OTUD7A: variants seen among roughly 807,000 people sequenced by gnomAD.
OTUD7A encodes the protein OTU deubiquitinase 7A.
A neutral mutation model predicts 65.7 loss-of-function variants in OTUD7A; 12 were observed. The ratio of observed to expected loss-of-function variants is 0.18; its 90% confidence interval spans 0.12 to 0.30. The LOEUF (loss-of-function observed/expected upper bound fraction) is 0.30, where lower values mean the gene tolerates loss of function less well. Among genes scored for constraint, OTUD7A ranks in the 10% least tolerant of loss-of-function variants. OTUD7A has a pLI of 1.00. For synonymous variants in OTUD7A, 641 were observed against 586.3 expected (o/e 1.09, Z -1.35); for missense variants, 1,148 against 1,304.8 (o/e 0.88, Z 1.85).
At chr15:31,609,304 G>A (rs1229230381) in intron 3 of OTUD7A, among the ~76,000 whole-genome samples, 1 of 152,222 alleles carries the variant, frequency 6.6e-6, no homozygotes, top group Non-Finnish European at 1.5e-5. Context: ...TTTGCATCTG[G>A]GAGGTGGATA....
intron 4 of OTUD7A, among the ~76,000 whole-genome samples, chr15:31,566,739 T>C (rs1421936623): frequency 6.6e-6 from 1 of 152,180 alleles, no homozygotes; most frequent in African/African-American, 2.4e-5. Context: ...ACACGCAATC[T>C]GGTCATTTAA....
intron 4 of OTUD7A, among the ~76,000 whole-genome samples, chr15:31,561,847 T>G (rs1214673229): frequency 6.6e-6 from 1 of 151,854 alleles, no homozygotes; most frequent in East Asian, 1.9e-4. Flanking sequence ...ATTCTACTTT[T>G]GGATGTATAA....
At chr15:31,521,143 C>T (rs2041931612) in intron 8 of OTUD7A, among the ~76,000 whole-genome samples, 1 of 152,056 alleles carries the variant, frequency 6.6e-6, no homozygotes, top group Non-Finnish European at 1.5e-5. Context: ...GGAGGGTTCG[C>T]GGGGGTGAGG....
intron 1 of OTUD7A, among the ~76,000 whole-genome samples, chr15:31,733,116 C>T (rs956838428): frequency 2.6e-5 from 4 of 152,198 alleles, no homozygotes; most frequent in East Asian, 3.8e-4. Context: ...ATCCTGGGGA[C>T]GTGCAAACCT....
intron 1 of OTUD7A, among the ~76,000 whole-genome samples, chr15:31,777,104 C>T (rs1485460892): frequency 6.6e-6 from 1 of 152,110 alleles, no homozygotes; most frequent in Admixed American, 6.6e-5. Flanking sequence ...TCTCATGGTT[C>T]TGGAGGCTGG....
chr15:31,852,807 CTAATT>C (rs1372313584), intron 1 of OTUD7A, among the ~76,000 whole-genome samples: 1 of 152,200 alleles, frequency 6.6e-6, no homozygotes, highest in Non-Finnish European at 1.5e-5. Flanking sequence ...AATTACAGCG[CTAATT>C]TAATATTCAT....
intron 6 of OTUD7A, among the ~76,000 whole-genome samples, chr15:31,529,907 ACC>A (rs2141121701): frequency 6.6e-6 from 1 of 152,294 alleles, no homozygotes; most frequent in South Asian, 2.1e-4. Flanking sequence ...GTAAGAACCA[ACC>A]GGCCCTGATG....
chr15:31,551,880 C>A (rs921019927), intron 5 of OTUD7A, among the ~76,000 whole-genome samples: 1 of 152,136 alleles, frequency 6.6e-6, no homozygotes, highest in Non-Finnish European at 1.5e-5. Flanking sequence ...GGGGCAGGGG[C>A]CTTGTGTTCC....
At chr15:31,795,163 T>C (rs1895919731) in intron 1 of OTUD7A, among the ~76,000 whole-genome samples, 1 of 152,234 alleles carries the variant, frequency 6.6e-6, no homozygotes, top group African/African-American at 2.4e-5. Flanking sequence ...AAAAGGTTAC[T>C]GGGTTACAGA....
chr15:31,864,955 T>C (rs1401747032), intron 1 of OTUD7A, among the ~76,000 whole-genome samples: 1 of 152,188 alleles, frequency 6.6e-6, no homozygotes, highest in Non-Finnish European at 1.5e-5. Flanking sequence ...TAAGAACCCA[T>C]GGCATACACT....
chr15:31,652,489 C>T (rs528652457), intron 3 of OTUD7A, among the ~76,000 whole-genome samples: 1 of 152,216 alleles, frequency 6.6e-6, no homozygotes, highest in South Asian at 2.1e-4. Flanking sequence ...TCAGTTGGAA[C>T]GCATCAGAAT....
chr15:31,642,818 C>T (rs1891557048), intron 3 of OTUD7A, among the ~76,000 whole-genome samples: 1 of 151,924 alleles, frequency 6.6e-6, no homozygotes, highest in African/African-American at 2.4e-5. Context: ...TTTTATTGAT[C>T]TCAAAGAACC....
chr15:31,846,451 G>A (rs1372026819), intron 1 of OTUD7A, among the ~76,000 whole-genome samples: 1 of 152,184 alleles, frequency 6.6e-6, no homozygotes, highest in Admixed American at 6.5e-5. Flanking sequence ...TGTGAAGGGA[G>A]CCCACTGAGA....
At chr15:31,809,075 A>G (rs1366899633) in intron 1 of OTUD7A, among the ~76,000 whole-genome samples, 2 of 152,182 alleles carry the variant, frequency 1.3e-5, no homozygotes, top group Non-Finnish European at 2.9e-5. Context: ...AAGCAGGCAT[A>G]AGCACAGTGT....
In OTUD7A at chr15:31,856,397, AT is replaced by A. The variant is rs532951918; in HGVS notation, c.-100+14109del. ...TTCTTTTAACCTGTGCAAATATTAGATTTTTTTTCATGAAAAATAAATAAGC... is the reference window on the plus strand; with the variant it reads ...TTCTTTTAACCTGTGCAAATATTAGATTTTTTTCATGAAAAATAAATAAGC... On this transcript the variant is annotated intron_variant, in intron 1 of 12. Coordinates refer to ENST00000307050, the MANE Select transcript of OTUD7A (RefSeq NM_001382637.1). Among the ~76,000 whole-genome samples the A allele has an allele frequency of 7.4e-4, 112 of 152,164 alleles. 1 individual carries two copies. Among genetic ancestry groups the A allele is most frequent in the South Asian group, 3.1e-3 (15 of 4,822 alleles).
intron 1 of OTUD7A, among the ~76,000 whole-genome samples, chr15:31,750,452 T>C (rs1323364697): frequency 6.9e-6 from 1 of 145,304 alleles, no homozygotes; most frequent in East Asian, 2.0e-4. Flanking sequence ...TTTACAGATT[T>C]AACACTATTG....
chr15:31,619,311 G>A (rs1336444737), intron 3 of OTUD7A, among the ~76,000 whole-genome samples: 1 of 152,200 alleles, frequency 6.6e-6, no homozygotes, highest in Non-Finnish European at 1.5e-5. Context: ...ATTCTGTGAA[G>A]AAAGTCACTG....
intron 1 of OTUD7A, among the ~76,000 whole-genome samples, chr15:31,823,632 T>C (rs1042691570): frequency 2.0e-5 from 3 of 152,184 alleles, no homozygotes; most frequent in Non-Finnish European, 4.4e-5. Context: ...TGACGTAAAA[T>C]ATCTCAAATT....
intron 8 of OTUD7A, among the ~76,000 whole-genome samples, chr15:31,524,436 G>C (rs2041982581): frequency 6.6e-6 from 1 of 152,164 alleles, no homozygotes; most frequent in Non-Finnish European, 1.5e-5. Context: ...CTCAGTTTTT[G>C]AATCTGTGGA....
Sources: allele counts gnomAD v4.1 joint callset (sites outside exome capture counted in the v4.1 genomes callset), GRCh38; gene constraint gnomAD v4.1.1; transcripts MANE v1.5; gene names NCBI Gene and HGNC (gene_info 2026-07-23, HGNC 2026-07-21).